The following FAM186A variants were observed in gnomAD, a reference collection of about 807,000 sequenced individuals.
FAM186A encodes the protein protein FAM186A.
Under a neutral mutation model 216.8 loss-of-function variants are expected in FAM186A, and 163 were observed. That is an observed-to-expected ratio of 0.75 (90% confidence interval 0.66 to 0.86). The LOEUF (loss-of-function observed/expected upper bound fraction) is 0.86, where lower values mean the gene tolerates loss of function less well. Ranked by LOEUF, FAM186A falls within the 40% of genes least tolerant of loss-of-function variation. The pLI, the probability that FAM186A is intolerant of heterozygous loss-of-function variation, is 0.00. For missense variants in FAM186A, 2,184 were observed against 2,746.2 expected, an observed-to-expected ratio of 0.80 and a Z score of 4.58; for synonymous variants, 805 against 1,025.3, an observed-to-expected ratio of 0.79 and a Z score of 4.10.
intron 3 of FAM186A, among the ~76,000 whole-genome samples, chr12:50,357,587 G>A (rs1377558134): frequency 2.0e-5 from 3 of 151,528 alleles, no homozygotes; most frequent in Admixed American, 2.0e-4. Flanking sequence ...TTCCCAAAAG[G>A]CAAAGATAAA....
At chr12:50,374,725 A>G (rs1943181292) in intron 1 of FAM186A, among the ~76,000 whole-genome samples, 1 of 152,236 alleles carries the variant, frequency 6.6e-6, no homozygotes, top group African/African-American at 2.4e-5. Flanking sequence ...CAAGTGCTCT[A>G]AAGGTTCTGT....
At chr12:50,349,425 G>A (rs1356111821) in intron 4 of FAM186A, among the ~76,000 whole-genome samples, 2 of 152,068 alleles carry the variant, frequency 1.3e-5, no homozygotes, top group African/African-American at 4.8e-5. Flanking sequence ...CTGGGCTCAA[G>A]TGATCCTCCC....
chr12:50,333,405 G>A (rs1012679928), intron 5 of FAM186A, among the ~76,000 whole-genome samples: 33 of 151,736 alleles, frequency 2.2e-4, no homozygotes, highest in African/African-American at 7.7e-4. Context: ...GGTGGTGGGC[G>A]CCTGTAATCC....
chr12:50,366,648 AC>A (rs869091595), intron 1 of FAM186A, among the ~76,000 whole-genome samples: 5 of 19,172 alleles, frequency 2.6e-4, no homozygotes, highest in Admixed American at 9.4e-4. Context: ...AAAAAAAAAA[AC>A]GTGATCATCA....
Position 50,355,011 on chromosome 12 carries a change from T to C in FAM186A, c.1821A>G (p.Gly607=). ...TAEPQKGKIK[G]KKHHISSGTI... ...TTCCTGAAGAGATATGGTGTTTCTT[T>C]CCTTTTATTTTTCCTTTCTGTGGCT... is the stretch of plus-strand genomic sequence containing the variant. The change falls in exon 4 of 8, where the codon GGA becomes GGG. Residue 607 remains glycine, a synonymous_variant. Transcript: ENST00000327337. 1 of 1,551,666 alleles carries C rather than the reference T, an allele frequency of 6.4e-7. No individual in the cohort carries two copies. Among genetic ancestry groups the C allele is most frequent in the South Asian group, 1.2e-5 (1 of 84,058 alleles).
chr12:50,344,363 C>T (rs974836898), intron 4 of FAM186A, among the ~76,000 whole-genome samples: 8 of 152,058 alleles, frequency 5.3e-5, no homozygotes, highest in African/African-American at 1.7e-4. Flanking sequence ...GCAAGAATGT[C>T]GGTATTTGGT....
chr12:50,354,637 A>G lies in FAM186A; in HGVS notation c.2195T>C (p.Ile732Thr). 6.5e-7 allele frequency: 1 copy of G among 1,547,312 alleles called. No individual in the cohort carries two copies. The highest frequency in any genetic ancestry group is 8.7e-7 in the Non-Finnish European group (1 of 1,146,044). ...TTTTGTATCTTTGTATTTTCTCAAG[A>G]TTTTAGTCACAGTTTCAGCCACTTT... ...FQKVAETVTK[I>T]LRKYKDTKKE... The change falls in exon 4 of 8, where the codon ATC (isoleucine) becomes ACC (threonine). Residue 732 changes from isoleucine to threonine, a missense_variant. Around this residue, in one of 7 missense-constraint regions of FAM186A, gnomAD observed 1,132 missense variants for 1,263.4 expected, o/e 0.90. Coordinates refer to ENST00000327337, the MANE Select transcript of FAM186A (RefSeq NM_001145475.3).
chr12:50,372,926 A>G (rs1473947531), intron 1 of FAM186A, among the ~76,000 whole-genome samples: 2 of 146,724 alleles, frequency 1.4e-5, no homozygotes, highest in Non-Finnish European at 3.0e-5. Context: ...AAGAAAAAAG[A>G]AAGAAAGAAG....
Position 50,356,174 on chromosome 12 carries a change from G to A in FAM186A, c.658C>T (p.Pro220Ser). ...KRPSTARALR[P>S]DQMISDQLAT... ...AGTTGATCACTAATCATCTGATCTGGTCTTAAAGCACGGGCTGTTGAAGGT... is the reference window on the plus strand; with the variant it reads ...AGTTGATCACTAATCATCTGATCTGATCTTAAAGCACGGGCTGTTGAAGGT... Residue 220 changes from proline (P) to serine (S), a missense_variant, in exon 4 of 8, where the codon CCA becomes TCA. This residue lies in a region of FAM186A where 1,132 missense variants were observed against 1,263.4 expected (regional missense o/e 0.90). Transcript: ENST00000327337. The A allele has an allele frequency of 6.4e-7, 1 of 1,551,432 alleles. No individual in the cohort carries two copies.
At chr12:50,341,664 G>T (rs1312454152) in intron 4 of FAM186A, among the ~76,000 whole-genome samples, 1 of 152,064 alleles carries the variant, frequency 6.6e-6, no homozygotes, top group Non-Finnish European at 1.5e-5. Flanking sequence ...GTGAAACCCT[G>T]TCTCTACTAA....
Position 50,354,424 on chromosome 12 carries a change from C to G in FAM186A, c.2408G>C (p.Arg803Thr). ...TACTGTTGAGACTGTTGGAATATCT[C>G]TTTCACTTTCTATTTCAGCCAAGAT... ...QMILAEIESE[R>T]DIPTVSTVQK... The change falls in exon 4 of 8, where the codon AGA becomes ACA. Residue 803 changes from arginine to threonine, a missense_variant. Physicochemically the swap from Arg to Thr is moderately conservative, Grantham distance 71. Transcript: ENST00000327337. 2 of 1,551,304 alleles carry G rather than the reference C, an allele frequency of 1.3e-6. No homozygotes were observed. Among genetic ancestry groups the G allele is most frequent in the South Asian group, 2.4e-5 (2 of 84,050 alleles).
At chr12:50,348,436 T>C (rs1386592954) in intron 4 of FAM186A, among the ~76,000 whole-genome samples, 2 of 152,132 alleles carry the variant, frequency 1.3e-5, no homozygotes, top group African/African-American at 4.8e-5. Flanking sequence ...TTGGCCAGGG[T>C]GGTCTCGAAC....
intron 1 of FAM186A, among the ~76,000 whole-genome samples, chr12:50,376,055 G>A (rs1402902033): frequency 6.6e-6 from 1 of 152,168 alleles, no homozygotes; most frequent in Non-Finnish European, 1.5e-5. Context: ...CTGGCTCTGG[G>A]AGAGGCTGTG....
chr12:50,357,383 T>A (rs796359109), intron 3 of FAM186A, among the ~76,000 whole-genome samples: 3 of 151,460 alleles, frequency 2.0e-5, no homozygotes, highest in African/African-American at 7.3e-5. Flanking sequence ...ATGCCTGTAG[T>A]CCCAACTACT....
At chr12:50,339,086 C>T (rs982275570) in intron 4 of FAM186A, among the ~76,000 whole-genome samples, 1 of 152,002 alleles carries the variant, frequency 6.6e-6, no homozygotes, top group Admixed American at 6.6e-5. Flanking sequence ...GCATCCATGG[C>T]TCACTGCAAC....
Position 50,353,591 on chromosome 12 carries a change from G to A in FAM186A, c.3241C>T (p.Gln1081Ter). The A allele has an allele frequency of 1.3e-6, 2 of 1,527,238 alleles. No individual in the cohort carries two copies. The highest frequency in any genetic ancestry group is 1.4e-5 in the African/African-American group (1 of 72,500). The allele number at this position is 1,527,238 out of a possible 1,614,324, so 94.6% of individuals were successfully genotyped here. ...GGAGTGAGTGTGATCCCCACTTCCT[G>A]GGCCTGCTGAGGTGTGAGATGAATG... ...KCIHLTPQQAQEVGITLTPQQ... is the reference protein window; with the variant it reads ...KCIHLTPQQA Residue 1081 changes from glutamine to a stop codon, truncating the protein, a stop_gained, in exon 4 of 8, where the codon CAG (glutamine) becomes TAG (stop). Coordinates refer to ENST00000327337, the MANE Select transcript of FAM186A (RefSeq NM_001145475.3). LOFTEE classifies it high-confidence loss of function.
chr12:50,372,386 G>A (rs1266031561), intron 1 of FAM186A, among the ~76,000 whole-genome samples: 17 of 146,832 alleles, frequency 1.2e-4, no homozygotes, highest in South Asian at 2.3e-4. Flanking sequence ...GAGGTCAGGC[G>A]TTCAAGACCA....
intron 1 of FAM186A, among the ~76,000 whole-genome samples, chr12:50,393,844 T>C (rs1297732057): frequency 6.6e-6 from 1 of 152,190 alleles, no homozygotes; most frequent in Non-Finnish European, 1.5e-5. Context: ...AAGCAAACAC[T>C]GTGTTATTGT....
In FAM186A at chr12:50,350,882, T is replaced by C; in HGVS notation, c.5950A>G (p.Thr1984Ala). 1 of 1,551,662 alleles carries C rather than the reference T, an allele frequency of 6.4e-7. No individual in the cohort carries two copies. Among genetic ancestry groups the C allele is most frequent in the Admixed American group, 2.0e-5 (1 of 50,982 alleles). Residue 1984 changes from threonine to alanine, a missense_variant, in exon 4 of 8, where the codon ACC becomes GCC. Transcript: ENST00000327337. Reference protein sequence around the residue: ...PDFKVAQVPFTTKKFQMSEVS... With the variant: ...PDFKVAQVPFATKKFQMSEVS... The stretch of plus-strand genomic sequence containing the variant: ...TCCGACATTTGGAACTTCTTAGTGG[T>C]GAAAGGAACTTGAGCTACCTTGAAA...
Sources: gnomAD v4.1 joint callset for allele counts (sites outside exome capture counted in the v4.1 genomes callset) on GRCh38, gnomAD v4.1.1 for gene constraint, gnomAD v4.1.1 regional missense constraint, MANE v1.5 for transcripts, NCBI Gene and HGNC (gene_info 2026-07-23, HGNC 2026-07-21) for gene names.